ENTREP2: variants seen among roughly 807,000 people sequenced by gnomAD.
ENTREP2 encodes the protein endosomal transmembrane epsin interactor 2.
the ENTREP2 span, among the ~76,000 whole-genome samples, chr15:29,556,773 G>T: frequency 2.0e-5 from 1 of 50,870 alleles, no homozygotes; most frequent in Non-Finnish European, 4.6e-5. Flanking sequence ...CCCCCCCCCC[G>T]CCCCACATGT....
the ENTREP2 span, among the ~76,000 whole-genome samples, chr15:29,237,056 A>G: frequency 2.0e-5 from 3 of 152,224 alleles, no homozygotes; most frequent in African/African-American, 7.2e-5. Context: ...TTTTAGGTAT[A>G]TAAAACTGAT....
the ENTREP2 span, among the ~76,000 whole-genome samples, chr15:29,640,182 G>A: frequency 6.6e-6 from 1 of 152,132 alleles, no homozygotes; most frequent in East Asian, 1.9e-4. Context: ...AGAAGCCATT[G>A]CCACCAACTT....
chr15:29,521,416 C>T, the ENTREP2 span, among the ~76,000 whole-genome samples: 1,780 of 152,286 alleles, frequency 0.012, 30 homozygotes, highest in African/African-American at 0.041. Context: ...AGTATGTTAA[C>T]AGACAATTCT....
chr15:29,269,852 C>A, the ENTREP2 span: 1 of 784,256 alleles, frequency 1.3e-6, no homozygotes, highest in East Asian at 3.4e-5. Context: ...CTGCGCCTTG[C>A]GTCAGGGCGG....
At chr15:29,219,204 T>A in the ENTREP2 span, among the ~76,000 whole-genome samples, 1 of 151,452 alleles carries the variant, frequency 6.6e-6, no homozygotes, top group Non-Finnish European at 1.5e-5. Flanking sequence ...AAGAAACATA[T>A]GAAAAAATGC....
At chr15:29,394,155 C>T in the ENTREP2 span, among the ~76,000 whole-genome samples, 5 of 152,074 alleles carry the variant, frequency 3.3e-5, no homozygotes, top group African/African-American at 7.2e-5. Flanking sequence ...AGTAAATGGA[C>T]GTATATACCA....
chr15:29,118,387 G>A, the ENTREP2 span: 3 of 152,070 alleles, frequency 2.0e-5, no homozygotes, highest in Non-Finnish European at 4.4e-5. Context: ...GCTTGGATGC[G>A]GCTCTGCAAA....
At chr15:29,321,017 ATAAAT>A in the ENTREP2 span, among the ~76,000 whole-genome samples, 1 of 152,082 alleles carries the variant, frequency 6.6e-6, no homozygotes, top group African/African-American at 2.4e-5. Flanking sequence ...TTTAATAATG[ATAAAT>A]TAAATTACAT....
At chr15:29,286,031 A>T in the ENTREP2 span, among the ~76,000 whole-genome samples, 1 of 152,240 alleles carries the variant, frequency 6.6e-6, no homozygotes, top group Non-Finnish European at 1.5e-5. Flanking sequence ...AACAAAATTT[A>T]GCAGGCTAGA....
At chr15:29,181,758 T>G in the ENTREP2 span, among the ~76,000 whole-genome samples, 1 of 152,210 alleles carries the variant, frequency 6.6e-6, no homozygotes, top group East Asian at 1.9e-4. Flanking sequence ...TCTCAATAGA[T>G]GCAGCATTTG....
At chr15:29,327,321 G>T in the ENTREP2 span, among the ~76,000 whole-genome samples, 1 of 152,134 alleles carries the variant, frequency 6.6e-6, no homozygotes, top group Non-Finnish European at 1.5e-5. Flanking sequence ...TGGGCGCGGT[G>T]GCTCAAGCCT....
At chr15:29,432,565 G>A in the ENTREP2 span, among the ~76,000 whole-genome samples, 2 of 152,188 alleles carry the variant, frequency 1.3e-5, no homozygotes, top group East Asian at 1.9e-4. Context: ...CCCCAACACT[G>A]TAAGCTTTGC....
At chr15:29,619,717 A>G in the ENTREP2 span, among the ~76,000 whole-genome samples, 2 of 152,096 alleles carry the variant, frequency 1.3e-5, no homozygotes, top group East Asian at 3.9e-4. Flanking sequence ...CTCTTGTCCC[A>G]TGCAGGTGCA....
At chr15:29,507,251 A>G in the ENTREP2 span, among the ~76,000 whole-genome samples, 37 of 152,352 alleles carry the variant, frequency 2.4e-4, no homozygotes, top group African/African-American at 8.4e-4. Context: ...ACCCAGATTC[A>G]TAAAGCAAGT....
At chr15:29,657,313 G>A in the ENTREP2 span, among the ~76,000 whole-genome samples, 2,397 of 151,472 alleles carry the variant, frequency 0.016, 66 homozygotes, top group African/African-American at 0.055. Flanking sequence ...ACCTACCTCA[G>A]CCTCCCAAAG....
At chr15:29,423,184 C>A in the ENTREP2 span, among the ~76,000 whole-genome samples, 2 of 152,044 alleles carry the variant, frequency 1.3e-5, no homozygotes, top group African/African-American at 4.8e-5. Flanking sequence ...CAAATGTGAC[C>A]TTGGAATCTT....
the ENTREP2 span, among the ~76,000 whole-genome samples, chr15:29,571,696 C>T: frequency 2.0e-5 from 3 of 152,130 alleles, no homozygotes; most frequent in African/African-American, 4.8e-5. Context: ...CCGATTAAAC[C>T]ATCTCCACTC....
the ENTREP2 span, among the ~76,000 whole-genome samples, chr15:29,674,136 G>GGC: frequency 6.7e-6 from 1 of 149,778 alleles, no homozygotes; most frequent in African/African-American, 2.5e-5. Context: ...GATGGGGGGG[G>GGC]GGGGGGGCTT....
the ENTREP2 span, among the ~76,000 whole-genome samples, chr15:29,361,557 C>T: frequency 6.6e-6 from 1 of 152,202 alleles, no homozygotes; most frequent in Non-Finnish European, 1.5e-5. Flanking sequence ...ATCATAACCT[C>T]ACCTAGAACC....
Sources: gnomAD v4.1 joint callset for allele counts (sites outside exome capture counted in the v4.1 genomes callset) on GRCh38, gnomAD v4.1.1 for gene constraint, MANE v1.5 for transcripts, NCBI Gene and HGNC (gene_info 2026-07-23, HGNC 2026-07-21) for gene names.